RSRC1: variants seen among roughly 807,000 people sequenced by gnomAD.
RSRC1 encodes arginine and serine rich coiled-coil 1.
Under a neutral mutation model 49.1 loss-of-function variants are expected in RSRC1, and 39 were observed. The ratio of observed to expected loss-of-function variants is 0.79; its 90% CI spans 0.61 to 1.04. RSRC1 has a LOEUF of 1.04. Ranked by LOEUF, RSRC1 falls within the 50% of genes least tolerant of loss-of-function variation. RSRC1 has a pLI of 0.00. For missense variants in RSRC1, 388 were observed against 402.4 expected, an observed-to-expected ratio of 0.96 and a Z score of 0.31; for synonymous variants, 143 against 130.8, an observed-to-expected ratio of 1.09 and a Z score of -0.63.
intron 6 of RSRC1, among the ~76,000 whole-genome samples, chr3:158,369,878 T>C (rs977870961): frequency 6.6e-6 from 1 of 152,044 alleles, no homozygotes; most frequent in Non-Finnish European, 1.5e-5. Context: ...GTTTTGCAAG[T>C]GTTCAAATAA....
intron 7 of RSRC1, among the ~76,000 whole-genome samples, chr3:158,474,416 A>G (rs1738280368): frequency 6.6e-6 from 1 of 152,138 alleles, no homozygotes; most frequent in South Asian, 2.1e-4. Context: ...AAGTTGCAGT[A>G]TTTTTGTTGG....
At chr3:158,507,044 A>T (rs1739891404) in intron 7 of RSRC1, among the ~76,000 whole-genome samples, 1 of 152,042 alleles carries the variant, frequency 6.6e-6, no homozygotes. Flanking sequence ...TACACAATGG[A>T]ATATTATTCA....
intron 4 of RSRC1, among the ~76,000 whole-genome samples, chr3:158,251,218 A>G (rs532846365): frequency 2.9e-4 from 44 of 152,224 alleles, no homozygotes; most frequent in African/African-American, 8.9e-4. Context: ...TTTGGTTACT[A>G]TAGCTCTGTA....
chr3:158,354,112 T>C (rs1328422600), intron 5 of RSRC1, among the ~76,000 whole-genome samples: 1 of 145,336 alleles, frequency 6.9e-6, no homozygotes, highest in Non-Finnish European at 1.5e-5. Flanking sequence ...TGCCTCAGCC[T>C]CCCAAGTAGC....
chr3:158,363,372 T>C (rs761675897), intron 6 of RSRC1, among the ~76,000 whole-genome samples: 2 of 151,960 alleles, frequency 1.3e-5, no homozygotes, highest in Non-Finnish European at 2.9e-5. Context: ...CAAGAGATTC[T>C]CCTGCCTTAG....
intron 6 of RSRC1, among the ~76,000 whole-genome samples, chr3:158,355,644 T>C (rs1431192965): frequency 6.6e-6 from 1 of 152,042 alleles, no homozygotes; most frequent in African/African-American, 2.4e-5. Context: ...ATATAGACAT[T>C]AAATACTTTA....
intron 4 of RSRC1, among the ~76,000 whole-genome samples, chr3:158,277,382 C>T (rs1451552925): frequency 6.6e-6 from 1 of 152,126 alleles, no homozygotes. Flanking sequence ...ATATTCATTG[C>T]TTGAAAGGCA....
At position 158,285,763 on chromosome 3, in the gene RSRC1, A is replaced by C. The variant is rs922299883; in HGVS notation, c.495-12276A>C. On this transcript the variant is annotated intron_variant, in intron 4 of 9. Transcript: ENST00000611884. ...ATTTTGTATCCTGAGACTTTGCTGA[A>C]GTTGCTTATCAGCTTAAGGATATTT... Among the ~76,000 whole-genome samples, 34 of 152,090 alleles carry C rather than the reference A, an allele frequency of 2.2e-4. 1 individual carries two copies. The highest frequency in any genetic ancestry group is 9.8e-4 in the Admixed American group (15 of 15,256).
chr3:158,200,082 G>C (rs1242127416), intron 3 of RSRC1, among the ~76,000 whole-genome samples: 1 of 152,016 alleles, frequency 6.6e-6, no homozygotes, highest in Non-Finnish European at 1.5e-5. Flanking sequence ...CTGTCACCCA[G>C]GCTGGAGTGC....
chr3:158,369,613 G>A lies in RSRC1; in HGVS notation c.583+14705G>A, dbSNP rs537581401. Among the ~76,000 whole-genome samples, 13 of 152,146 alleles carry A rather than the reference G, an allele frequency of 8.5e-5. No individual in the cohort carries two copies. The East Asian group carries it at 2.5e-3, about 29-fold the overall frequency. ...TTAAATAGACTGGACCTTCACATGT[G>A]TGAGTACAGCATCTTCTCCTAAATT... On this transcript the variant is annotated intron_variant, in intron 6 of 9. Coordinates refer to ENST00000611884, the MANE Select transcript of RSRC1 (RefSeq NM_001271838.2).
At chr3:158,229,325 CAG>C (rs150050731) in intron 4 of RSRC1, among the ~76,000 whole-genome samples, 8,409 of 80,754 alleles carry the variant, frequency 0.1, 1,031 homozygotes, top group East Asian at 0.3. Flanking sequence ...TAAACATACA[CAG>C]GTATATGTGT....
intron 7 of RSRC1, among the ~76,000 whole-genome samples, chr3:158,503,736 G>GC (rs145757712): frequency 0.2 from 30,302 of 151,830 alleles, 3,678 homozygotes; most frequent in African/African-American, 0.34. Context: ...CTCCCACCGT[G>GC]CCCCCCCAAC....
intron 3 of RSRC1, among the ~76,000 whole-genome samples, chr3:158,150,005 C>A (rs1383342537): frequency 6.6e-6 from 1 of 152,162 alleles, no homozygotes; most frequent in African/African-American, 2.4e-5. Flanking sequence ...TTCTACATCT[C>A]TGTTAACATT....
intron 3 of RSRC1, among the ~76,000 whole-genome samples, chr3:158,166,492 C>T (rs914666690): frequency 6.6e-6 from 1 of 152,002 alleles, no homozygotes; most frequent in Non-Finnish European, 1.5e-5. Flanking sequence ...TCAATTATGC[C>T]CTTTTGTTAT....
At chr3:158,199,559 G>A (rs570020641) in intron 3 of RSRC1, among the ~76,000 whole-genome samples, 2 of 152,034 alleles carry the variant, frequency 1.3e-5, no homozygotes, top group South Asian at 2.1e-4. Flanking sequence ...TGGATTTATA[G>A]TGCTTTGCTC....
At chr3:158,134,993 T>G (rs1716276315) in intron 3 of RSRC1, among the ~76,000 whole-genome samples, 1 of 152,148 alleles carries the variant, frequency 6.6e-6, no homozygotes. Flanking sequence ...GGTGATTAAT[T>G]TATTGATAAT....
chr3:158,284,793 G>A (rs1011095776), intron 4 of RSRC1, among the ~76,000 whole-genome samples: 20 of 151,024 alleles, frequency 1.3e-4, no homozygotes, highest in African/African-American at 4.9e-4. Context: ...CTGGATATTA[G>A]CCCTTTGTCA....
intron 4 of RSRC1, among the ~76,000 whole-genome samples, chr3:158,244,266 A>G (rs538161375): frequency 6.6e-6 from 1 of 152,226 alleles, no homozygotes; most frequent in South Asian, 2.1e-4. Context: ...TTTGTCACAT[A>G]TGGCTTTTAT....
At chr3:158,191,242 G>T in intron 3 of RSRC1, among the ~76,000 whole-genome samples, 1 of 151,932 alleles carries the variant, frequency 6.6e-6, no homozygotes, top group East Asian at 1.9e-4. Context: ...ATTTAGTAGG[G>T]AGTGAAATTA....
Sources: allele counts gnomAD v4.1 joint callset (sites outside exome capture counted in the v4.1 genomes callset), GRCh38; gene constraint gnomAD v4.1.1; transcripts MANE v1.5; gene names NCBI Gene and HGNC (gene_info 2026-07-23, HGNC 2026-07-21).